The following TINAG variants were observed in gnomAD, a reference collection of about 807,000 sequenced individuals.
The protein encoded by TINAG is tubulointerstitial nephritis antigen.
A neutral mutation model predicts 72.7 loss-of-function variants in TINAG; 83 were observed. The ratio of observed to expected loss-of-function variants is 1.14; its 90% CI spans 0.96 to 1.37. TINAG has a LOEUF of 1.37. Ranked by LOEUF, TINAG falls within the 40% of genes most tolerant of loss-of-function variation. The pLI is 0.00. For missense variants in TINAG, 685 were observed against 576.6 expected (o/e 1.19, Z -1.93); for synonymous variants, 234 against 189.9 (o/e 1.23, Z -1.91).
rs1030277094 is a variant in TINAG at position 54,354,408 on chromosome 6, C to T, written c.1127-105C>T. 6.8e-6 allele frequency: 7 copies of T among 1,025,708 alleles called. No homozygotes were observed. In the African/African-American group the frequency reaches 8.3e-5, roughly 12 times the overall value. 63.5% of individuals were successfully genotyped at this position (1,025,708 alleles called of 1,614,324 possible). A position where few individuals can be genotyped will look rare whatever the true frequency, so the allele number is the denominator to read the frequency against. ...GAATCACACAGCCCCTTCTTAGATT[C>T]ATCTCCTTGCAATTTACCCATTGGT... On this transcript the variant is annotated intron_variant, in intron 8 of 10. Coordinates refer to ENST00000259782, the MANE Select transcript of TINAG (RefSeq NM_014464.4).
At chr6:54,345,440 G>A (rs939801636) in intron 5 of TINAG, among the ~76,000 whole-genome samples, 15 of 152,086 alleles carry the variant, frequency 9.9e-5, no homozygotes, top group African/African-American at 3.1e-4. Context: ...AGGTAAAGTG[G>A]CTTATCTGAA....
chr6:54,378,576 T>C (rs1395699123), intron 9 of TINAG, among the ~76,000 whole-genome samples: 1 of 152,208 alleles, frequency 6.6e-6, no homozygotes, highest in Non-Finnish European at 1.5e-5. Flanking sequence ...TGAAAACTGA[T>C]AGCAGTTGAA....
intron 3 of TINAG, among the ~76,000 whole-genome samples, chr6:54,322,866 A>G (rs1784524363): frequency 6.6e-6 from 1 of 152,242 alleles, no homozygotes; most frequent in Admixed American, 6.5e-5. Flanking sequence ...AGATGAGAGT[A>G]TATGTCATCT....
chr6:54,338,953 C>T (rs182403863), intron 4 of TINAG, among the ~76,000 whole-genome samples: 116 of 152,094 alleles, frequency 7.6e-4, no homozygotes, highest in African/African-American at 2.7e-3. Flanking sequence ...ATTTTATTAC[C>T]TCCTTTTGTA....
At chr6:54,328,398 A>G (rs1346298642) in intron 4 of TINAG, among the ~76,000 whole-genome samples, 1 of 152,130 alleles carries the variant, frequency 6.6e-6, no homozygotes, top group Non-Finnish European at 1.5e-5. Context: ...TAGAAGGAAA[A>G]CTAACAAACA....
chr6:54,327,506 C>G (rs975861301), intron 4 of TINAG, among the ~76,000 whole-genome samples: 7 of 152,120 alleles, frequency 4.6e-5, no homozygotes, highest in African/African-American at 1.7e-4. Context: ...CCCTGGGTTT[C>G]AAGCACAAAA....
intron 10 of TINAG, among the ~76,000 whole-genome samples, chr6:54,383,827 A>G (rs992758194): frequency 3.3e-5 from 5 of 152,118 alleles, no homozygotes; most frequent in Non-Finnish European, 5.9e-5. Context: ...CAGAAATACC[A>G]TTTGACCCAG....
At chr6:54,329,810 A>T (rs1462581731) in intron 4 of TINAG, among the ~76,000 whole-genome samples, 1 of 152,208 alleles carries the variant, frequency 6.6e-6, no homozygotes, top group South Asian at 2.1e-4. Flanking sequence ...AAAAAAAAGC[A>T]GGGGTTGCAA....
intron 10 of TINAG, among the ~76,000 whole-genome samples, chr6:54,382,357 T>C (rs1008104691): frequency 2.0e-5 from 3 of 152,080 alleles, no homozygotes; most frequent in African/African-American, 7.2e-5. Flanking sequence ...ATCTCAAGGG[T>C]AAAGTATTTT....
At chr6:54,361,258 G>C (rs183044837) in intron 9 of TINAG, among the ~76,000 whole-genome samples, 4 of 151,656 alleles carry the variant, frequency 2.6e-5, no homozygotes, top group Non-Finnish European at 5.9e-5. Context: ...CAAGTGAAAG[G>C]AAGATGTATT....
intron 4 of TINAG, among the ~76,000 whole-genome samples, chr6:54,332,847 C>T (rs1467970625): frequency 2.0e-4 from 30 of 152,130 alleles, no homozygotes; most frequent in Admixed American, 2.0e-3. Flanking sequence ...ATTTATGCAG[C>T]CAACAAACAT....
At chr6:54,342,479 C>T (rs530939627) in intron 4 of TINAG, among the ~76,000 whole-genome samples, 362 of 152,080 alleles carry the variant, frequency 2.4e-3, no homozygotes, top group Middle Eastern at 6.8e-3. Flanking sequence ...AGTGATTCTC[C>T]CACCTGAGCC....
chr6:54,324,919 A>G (rs1176203647), intron 3 of TINAG, among the ~76,000 whole-genome samples: 1 of 152,198 alleles, frequency 6.6e-6, no homozygotes, highest in African/African-American at 2.4e-5. Flanking sequence ...AGCATAAATA[A>G]CATGTTGGTC....
chr6:54,313,124 T>C (rs1453864749), intron 1 of TINAG, among the ~76,000 whole-genome samples: 4 of 152,164 alleles, frequency 2.6e-5, no homozygotes, highest in Admixed American at 2.6e-4. Context: ...AGAAAATACA[T>C]GTTTAATAGA....
chr6:54,374,255 T>A (rs1323540379), intron 9 of TINAG, among the ~76,000 whole-genome samples: 2 of 152,092 alleles, frequency 1.3e-5, no homozygotes, highest in African/African-American at 4.8e-5. Context: ...AATATTTTCA[T>A]GTGAAAAATG....
intron 1 of TINAG, among the ~76,000 whole-genome samples, chr6:54,315,498 T>TC (rs1206936742): frequency 6.6e-6 from 1 of 151,346 alleles, no homozygotes; most frequent in Non-Finnish European, 1.5e-5. Context: ...TAAGACCTCA[T>TC]CCCCACCAAC....
chr6:54,327,086 G>A (rs1309007294), intron 4 of TINAG, 170 bp downstream of exon 4: 1 of 1,547,234 alleles, frequency 6.5e-7, no homozygotes, highest in Non-Finnish European at 8.7e-7. Context: ...CCCCTCAAAA[G>A]TTTCATATGA....
intron 8 of TINAG, among the ~76,000 whole-genome samples, chr6:54,352,738 C>CCT (rs1408022347): frequency 1.3e-5 from 2 of 149,772 alleles, no homozygotes; most frequent in Non-Finnish European, 3.0e-5. Context: ...TTTCTTTTTC[C>CCT]CTCTCTCTCT....
intron 3 of TINAG, among the ~76,000 whole-genome samples, chr6:54,325,109 CT>C (rs1159629986): frequency 1.3e-5 from 2 of 152,196 alleles, no homozygotes; most frequent in Non-Finnish European, 2.9e-5. Context: ...TCTTTCATGT[CT>C]GGTCACCAAG....
Sources: gnomAD v4.1 joint callset for allele counts (sites outside exome capture counted in the v4.1 genomes callset) on GRCh38, gnomAD v4.1.1 for gene constraint, MANE v1.5 for transcripts, NCBI Gene and HGNC (gene_info 2026-07-23, HGNC 2026-07-21) for gene names.